Variants in RTN1 observed in about 807,000 individuals in gnomAD.
RTN1 encodes the protein reticulon 1, also known as reticulon-1.
In RTN1, 25 loss-of-function variants were observed where a neutral mutation model predicts 65.5. That is an observed-to-expected ratio of 0.38 (90% CI 0.28 to 0.53). RTN1 has a LOEUF of 0.53. Ranked by LOEUF, RTN1 falls within the 20% of genes least tolerant of loss-of-function variation. The pLI is 0.79. For synonymous variants in RTN1, 471 were observed against 447.6 expected, an observed-to-expected ratio of 1.05 and a Z score of -0.66; for missense variants, 983 against 1,025.4, an observed-to-expected ratio of 0.96 and a Z score of 0.57.
At chr14:59,740,673 C>T (rs1333619255) in intron 2 of RTN1, among the ~76,000 whole-genome samples, 1 of 152,132 alleles carries the variant, frequency 6.6e-6, no homozygotes, top group Non-Finnish European at 1.5e-5. Context: ...AAATAATTCA[C>T]CCTTACCATG....
chr14:59,739,228 A>G (rs994469511), intron 2 of RTN1, among the ~76,000 whole-genome samples: 4 of 152,130 alleles, frequency 2.6e-5, no homozygotes, highest in Admixed American at 2.0e-4. Context: ...ATGAGCTTAA[A>G]AGGGAGGGAA....
At chr14:59,833,031 T>C (rs145536260) in intron 1 of RTN1, among the ~76,000 whole-genome samples, 33 of 152,326 alleles carry the variant, frequency 2.2e-4, no homozygotes, top group African/African-American at 6.7e-4. Flanking sequence ...TAAATGGTCA[T>C]TGAATCCATT....
At chr14:59,725,108 A>C (rs1487431185) in intron 3 of RTN1, among the ~76,000 whole-genome samples, 2 of 152,150 alleles carry the variant, frequency 1.3e-5, no homozygotes, top group Admixed American at 1.3e-4. Context: ...AATGACACAA[A>C]ATTGGCCATA....
At chr14:59,801,399 CA>C (rs1188518459) in intron 1 of RTN1, among the ~76,000 whole-genome samples, 5 of 152,060 alleles carry the variant, frequency 3.3e-5, no homozygotes, top group African/African-American at 9.7e-5. Context: ...AGAACTATAA[CA>C]GCCTTCTTAT....
At chr14:59,767,385 G>C (rs1885869531) in intron 1 of RTN1, among the ~76,000 whole-genome samples, 1 of 152,186 alleles carries the variant, frequency 6.6e-6, no homozygotes, top group South Asian at 2.1e-4. Context: ...TACCCAAAGG[G>C]GTGATGAGCA....
chr14:59,632,157 A>AT (rs1475464778), intron 3 of RTN1, among the ~76,000 whole-genome samples: 1 of 152,208 alleles, frequency 6.6e-6, no homozygotes, highest in African/African-American at 2.4e-5. Flanking sequence ...TCTTTGTAAC[A>AT]TATCTGAAAT....
intron 2 of RTN1, among the ~76,000 whole-genome samples, chr14:59,739,632 A>G (rs190480465): frequency 2.0e-5 from 3 of 152,204 alleles, no homozygotes; most frequent in African/African-American, 7.2e-5. Context: ...AACTGGAGGT[A>G]GGGTGTGAGT....
intron 1 of RTN1, among the ~76,000 whole-genome samples, chr14:59,831,548 A>G (rs781156461): frequency 6.6e-6 from 1 of 152,154 alleles, no homozygotes; most frequent in African/African-American, 2.4e-5. Flanking sequence ...GTCAGCCTCC[A>G]TAACTGTGTG....
chr14:59,614,219 C>T (rs943819064), intron 3 of RTN1, among the ~76,000 whole-genome samples: 2 of 152,024 alleles, frequency 1.3e-5, no homozygotes, highest in African/African-American at 4.8e-5. Context: ...TTTGGGGATC[C>T]GGGATCCGGT....
chr14:59,628,468 G>A (rs893317861), intron 3 of RTN1, among the ~76,000 whole-genome samples: 1 of 152,008 alleles, frequency 6.6e-6, no homozygotes, highest in African/African-American at 2.4e-5. Context: ...TTCTCACAGT[G>A]AGGAGAAAAA....
At chr14:59,625,444 C>T (rs917327855) in intron 3 of RTN1, among the ~76,000 whole-genome samples, 1 of 152,122 alleles carries the variant, frequency 6.6e-6, no homozygotes, top group Non-Finnish European at 1.5e-5. Context: ...TTCTCAATTT[C>T]CAGGAAAGAA....
intron 3 of RTN1, among the ~76,000 whole-genome samples, chr14:59,640,720 T>G (rs1388290063): frequency 6.6e-6 from 1 of 152,230 alleles, no homozygotes; most frequent in Non-Finnish European, 1.5e-5. Flanking sequence ...ATGTCCCTTC[T>G]TTCATTTCTG....
intron 1 of RTN1, among the ~76,000 whole-genome samples, chr14:59,793,857 T>C (rs1281052805): frequency 2.0e-5 from 3 of 152,070 alleles, no homozygotes; most frequent in African/African-American, 4.8e-5. Flanking sequence ...CTTTCAAACA[T>C]TGTCAGTAGT....
chr14:59,665,381 A>G (rs1883344900), intron 3 of RTN1, among the ~76,000 whole-genome samples: 1 of 152,194 alleles, frequency 6.6e-6, no homozygotes, highest in African/African-American at 2.4e-5. Context: ...CTTTACAGAC[A>G]AGCAAATGCT....
chr14:59,675,476 T>C (rs1883607054), intron 3 of RTN1, among the ~76,000 whole-genome samples: 1 of 151,506 alleles, frequency 6.6e-6, no homozygotes, highest in African/African-American at 2.4e-5. Flanking sequence ...ATTGAGCACT[T>C]ACTATGTTCT....
chr14:59,750,010 A>AT (rs1183676536), intron 1 of RTN1, among the ~76,000 whole-genome samples: 2 of 67,558 alleles, frequency 3.0e-5, no homozygotes, highest in African/African-American at 1.2e-4. Context: ...TTATATACAT[A>AT]TATATTATAT....
chr14:59,657,671 A>C (rs902981928), intron 3 of RTN1, among the ~76,000 whole-genome samples: 5 of 152,154 alleles, frequency 3.3e-5, no homozygotes, highest in African/African-American at 1.2e-4. Context: ...AGCCAAGGGA[A>C]GCCATGAGGG....
chr14:59,783,883 T>C (rs538766799), intron 1 of RTN1, among the ~76,000 whole-genome samples: 6 of 151,192 alleles, frequency 4.0e-5, no homozygotes, highest in Non-Finnish European at 8.8e-5. Flanking sequence ...TAATAGAATT[T>C]TATAACCTTA....
At chr14:59,858,726 A>G (rs556811186) in intron 1 of RTN1, among the ~76,000 whole-genome samples, 1 of 152,316 alleles carries the variant, frequency 6.6e-6, no homozygotes, top group Non-Finnish European at 1.5e-5. Flanking sequence ...TAGTTTTCCA[A>G]TGAATAATCT....
Sources: allele counts gnomAD v4.1 joint callset (sites outside exome capture counted in the v4.1 genomes callset), GRCh38; gene constraint gnomAD v4.1.1; transcripts MANE v1.5; gene names NCBI Gene and HGNC (gene_info 2026-07-23, HGNC 2026-07-21).